The following KCND2 variants were observed in gnomAD, a reference collection of about 807,000 sequenced individuals.
The protein encoded by KCND2 is A-type voltage-gated potassium channel KCND2.
In KCND2, 16 loss-of-function variants were observed where a neutral mutation model predicts 54.4. That is an observed-to-expected ratio of 0.29 (90% CI 0.20 to 0.45). The LOEUF (loss-of-function observed/expected upper bound fraction) is 0.45. Ranked by LOEUF, KCND2 falls within the 20% of genes least tolerant of loss-of-function variation. KCND2 has a pLI of 1.00. For missense variants in KCND2, 486 were observed against 824.2 expected (o/e 0.59, Z 5.02); for synonymous variants, 317 against 310.7 (o/e 1.02, Z -0.21).
At chr7:120,366,187 G>A (rs1165881010) in intron 1 of KCND2, among the ~76,000 whole-genome samples, 2 of 151,950 alleles carry the variant, frequency 1.3e-5, no homozygotes, top group Non-Finnish European at 2.9e-5. Flanking sequence ...ATTAAGCTAA[G>A]AGTTAAAGAA....
chr7:120,352,242 T>C (rs1800420558), intron 1 of KCND2, among the ~76,000 whole-genome samples: 1 of 152,050 alleles, frequency 6.6e-6, no homozygotes, highest in African/African-American at 2.4e-5. Context: ...GGCCCTCTCT[T>C]CTGTTTTCTG....
intron 1 of KCND2, among the ~76,000 whole-genome samples, chr7:120,285,595 C>G (rs1456048623): frequency 6.6e-6 from 1 of 151,786 alleles, no homozygotes; most frequent in Non-Finnish European, 1.5e-5. Context: ...TATGGAAATT[C>G]AAATGAATAT....
chr7:120,598,238 G>A (rs1344030948), intron 1 of KCND2, among the ~76,000 whole-genome samples: 3 of 152,002 alleles, frequency 2.0e-5, no homozygotes, highest in Non-Finnish European at 4.4e-5. Context: ...AAAATCGGTA[G>A]CATCAGTGGG....
intron 1 of KCND2, among the ~76,000 whole-genome samples, chr7:120,383,387 AG>A (rs1800940003): frequency 6.6e-6 from 1 of 152,008 alleles, no homozygotes; most frequent in African/African-American, 2.4e-5. Flanking sequence ...AAATTACTTA[AG>A]AAACAATATA....
At chr7:120,335,066 G>T (rs1248865883) in intron 1 of KCND2, among the ~76,000 whole-genome samples, 1 of 152,040 alleles carries the variant, frequency 6.6e-6, no homozygotes, top group Non-Finnish European at 1.5e-5. Context: ...ATAAAATTGA[G>T]TTTAAAAAGT....
At chr7:120,710,663 A>G (rs1792526054) in intron 1 of KCND2, among the ~76,000 whole-genome samples, 1 of 152,122 alleles carries the variant, frequency 6.6e-6, no homozygotes, top group Non-Finnish European at 1.5e-5. Flanking sequence ...GTCCTGGCCT[A>G]AGGAGCCAAT....
At chr7:120,687,957 T>C (rs1441639457) in intron 1 of KCND2, among the ~76,000 whole-genome samples, 2 of 152,178 alleles carry the variant, frequency 1.3e-5, no homozygotes, top group Non-Finnish European at 2.9e-5. Context: ...CAGGTAAATA[T>C]GCAGTATGAA....
intron 1 of KCND2, among the ~76,000 whole-genome samples, chr7:120,678,473 TTACA>T (rs1478784885): frequency 6.9e-6 from 1 of 145,826 alleles, no homozygotes; most frequent in East Asian, 2.0e-4. Flanking sequence ...AAATGTATAC[TTACA>T]TACATACACA....
chr7:120,287,085 G>T (rs1241610573), intron 1 of KCND2, among the ~76,000 whole-genome samples: 2 of 151,858 alleles, frequency 1.3e-5, no homozygotes, highest in Admixed American at 6.6e-5. Flanking sequence ...AGAAATTTGG[G>T]GCAAAATCAG....
chr7:120,606,678 T>A (rs1792886321), intron 1 of KCND2, among the ~76,000 whole-genome samples: 1 of 152,098 alleles, frequency 6.6e-6, no homozygotes, highest in Non-Finnish European at 1.5e-5. Context: ...TGACTATAAA[T>A]GTGAGGGCTT....
chr7:120,274,978 G>C lies in KCND2; in HGVS notation c.346G>C (p.Asp116His). ...YPRHECISAY[D>H]EELAFFGLIP... The stretch of plus-strand genomic sequence containing the variant: ...TCGCCACGAGTGCATCTCTGCTTAC[G>C]ATGAAGAACTGGCCTTCTTTGGCCT... The change falls in exon 1 of 6, where the codon GAT becomes CAT. Residue 116 changes from aspartate to histidine, a missense_variant. By Grantham distance (81) the Asp-to-His change is moderately conservative (BLOSUM62 -1). Transcript: ENST00000331113. 1 of 1,614,048 alleles carries C rather than the reference G, an allele frequency of 6.2e-7. No homozygotes were observed. The highest frequency in any genetic ancestry group is 1.1e-5 in the South Asian group (1 of 91,082).
chr7:120,293,316 A>G (rs1336323257), intron 1 of KCND2, among the ~76,000 whole-genome samples: 2 of 151,974 alleles, frequency 1.3e-5, no homozygotes, highest in East Asian at 1.9e-4. Flanking sequence ...GTGTTTGTCC[A>G]GATCATTGTA....
intron 1 of KCND2, among the ~76,000 whole-genome samples, chr7:120,518,891 A>C (rs1037234699): frequency 2.6e-5 from 4 of 152,190 alleles, no homozygotes; most frequent in African/African-American, 9.6e-5. Flanking sequence ...AGGTAGACCC[A>C]ATATAATCAC....
At chr7:120,510,855 C>G (rs967753060) in intron 1 of KCND2, among the ~76,000 whole-genome samples, 2 of 151,862 alleles carry the variant, frequency 1.3e-5, no homozygotes, top group Admixed American at 6.6e-5. Flanking sequence ...CCTTCTACCC[C>G]CAACCCCTGG....
chr7:120,379,736 A>G (rs1255522133), intron 1 of KCND2, among the ~76,000 whole-genome samples: 1 of 152,010 alleles, frequency 6.6e-6, no homozygotes, highest in Non-Finnish European at 1.5e-5. Flanking sequence ...GGGCAGGGGC[A>G]GGGAAACACT....
intron 1 of KCND2, among the ~76,000 whole-genome samples, chr7:120,427,264 C>T (rs983399993): frequency 7.9e-5 from 12 of 152,256 alleles, no homozygotes; most frequent in East Asian, 7.7e-4. Context: ...GGATATAGCA[C>T]GTAGTTTATA....
chr7:120,538,312 C>G (rs1245725659), intron 1 of KCND2, among the ~76,000 whole-genome samples: 1 of 152,036 alleles, frequency 6.6e-6, no homozygotes. Context: ...ATAGTAACAT[C>G]AAAGATCACT....
intron 1 of KCND2, among the ~76,000 whole-genome samples, chr7:120,718,584 G>A (rs561024891): frequency 2.0e-5 from 3 of 152,220 alleles, no homozygotes; most frequent in Middle Eastern, 3.4e-3. Flanking sequence ...AGGCAGTGCC[G>A]TTCTGCAAAG....
intron 1 of KCND2, among the ~76,000 whole-genome samples, chr7:120,413,711 A>G (rs1054715553): frequency 5.9e-5 from 9 of 152,034 alleles, no homozygotes; most frequent in Non-Finnish European, 1.0e-4. Context: ...AAGATTTTGT[A>G]GTTGATTGGA....
Sources: allele counts gnomAD v4.1 joint callset (sites outside exome capture counted in the v4.1 genomes callset), GRCh38; gene constraint gnomAD v4.1.1; transcripts MANE v1.5; gene names NCBI Gene and HGNC (gene_info 2026-07-23, HGNC 2026-07-21).